Variants in OTOF observed in about 807,000 individuals in gnomAD.
OTOF encodes fer-1-like family member 2.
OTOF carries 218 observed loss-of-function variants against 236.8 expected under a neutral mutation model. The ratio of observed to expected loss-of-function variants is 0.92; its 90% CI spans 0.82 to 1.03. OTOF has a LOEUF of 1.03. Among genes scored for constraint, OTOF ranks in the 50% least tolerant of loss-of-function variants. The pLI is 0.00. For missense variants in OTOF, 2,590 were observed against 2,694.4 expected, an observed-to-expected ratio of 0.96 and a Z score of 0.86; for synonymous variants, 1,041 against 1,072.5, an observed-to-expected ratio of 0.97 and a Z score of 0.57.
Position 26,470,159 on chromosome 2 carries a change from C to T in OTOF, c.4023+434G>A, listed in dbSNP as rs1664909351. 6.6e-6 allele frequency among the ~76,000 whole-genome samples: 1 copy of T among 152,112 alleles called. No homozygotes were observed. The highest frequency in any genetic ancestry group is 1.5e-5 in the Non-Finnish European group (1 of 68,028). ...CTCTGAGAACATGTTTCTCCTTTTC[C>T]ACAAAGGTCACCTCCTCTGAGACGC... On this transcript the variant is annotated intron_variant, in intron 32 of 46. Transcript: ENST00000272371. The surrounding 1 kb of genome is among the most constrained non-coding windows in gnomAD (Gnocchi z 4.3).
chr2:26,479,458 G>C lies in OTOF; in HGVS notation c.2093+15C>G. 1.2e-6 allele frequency: 2 copies of C among 1,603,272 alleles called. No homozygotes were observed. Among genetic ancestry groups the C allele is most frequent in the Non-Finnish European group, 1.7e-6 (2 of 1,175,768 alleles). On this transcript the variant is annotated intron_variant, in intron 17 of 46. Transcript: ENST00000272371. ...GGGAGGGCCAGGCCACAGGAGGATG[G>C]GAGGCTGGGCCCACCTGTCGGTGAC...
chr2:26,496,339 A>G (rs1665984616), intron 8 of OTOF, among the ~76,000 whole-genome samples: 1 of 150,146 alleles, frequency 6.7e-6, no homozygotes, highest in South Asian at 2.1e-4. Flanking sequence ...GGTTCAAGCG[A>G]TTCTTCTGCC....
In OTOF at chr2:26,463,474, G is replaced by A; in HGVS notation, c.5192+9C>T. Reference sequence around the variant, plus strand: ...GGAAGGGAGTAGCGCTGGGCCCCAGGCCGCTCACTTCTTGGGCTTCCGAGG... The same window carrying A: ...GGAAGGGAGTAGCGCTGGGCCCCAGACCGCTCACTTCTTGGGCTTCCGAGG... On this transcript the variant is annotated intron_variant, in intron 41 of 46. Transcript: ENST00000272371. 1 of 1,589,844 alleles carries A rather than the reference G, an allele frequency of 6.3e-7. No individual in the cohort carries two copies. The highest frequency in any genetic ancestry group is 8.6e-7 in the Non-Finnish European group (1 of 1,167,448).
chr2:26,542,663 G>A (rs767426333), intron 1 of OTOF, among the ~76,000 whole-genome samples: 12 of 152,208 alleles, frequency 7.9e-5, no homozygotes, highest in East Asian at 5.8e-4. Flanking sequence ...GTTTGAAAGC[G>A]TAGAGCAGAG....
chr2:26,544,832 T>C (rs1667290929), intron 1 of OTOF, among the ~76,000 whole-genome samples: 1 of 151,872 alleles, frequency 6.6e-6, no homozygotes, highest in East Asian at 1.9e-4. Context: ...GGTCAGGAGA[T>C]GGAGACCATC....
At position 26,470,977 on chromosome 2, in the gene OTOF, C is replaced by T; in HGVS notation, c.3894+144G>A. On this transcript the variant is annotated intron_variant, in intron 31 of 46. Coordinates refer to ENST00000272371, the MANE Select transcript of OTOF (RefSeq NM_194248.3). The surrounding 1 kb of genome is among the most constrained non-coding windows in gnomAD (Gnocchi z 4.3). ...GTCCTGCACTCACCCAGCTCTTTTCCACTGCATCTTAGGGGAGGTGTGCTG... is the reference window on the plus strand; with the variant it reads ...GTCCTGCACTCACCCAGCTCTTTTCTACTGCATCTTAGGGGAGGTGTGCTG... 8.5e-7 allele frequency: 1 copy of T among 1,182,920 alleles called. No individual in the cohort carries two copies. The highest frequency in any genetic ancestry group is 1.3e-6 in the Non-Finnish European group (1 of 799,802). The allele number at this position is 1,182,920 out of a possible 1,614,324, so 73.3% of individuals were successfully genotyped here.
chr2:26,499,178 A>T, intron 8 of OTOF, among the ~76,000 whole-genome samples: 1 of 152,092 alleles, frequency 6.6e-6, no homozygotes, highest in Non-Finnish European at 1.5e-5. Flanking sequence ...TCTGGTGGGG[A>T]AACTGCACAT....
chr2:26,471,190 T>C (rs1440747373), intron 30 of OTOF, 40 bp from the exon 31 acceptor site: 1 of 1,612,956 alleles, frequency 6.2e-7, no homozygotes, highest in East Asian at 2.2e-5. Context: ...AATCAGCCAC[T>C]GGGGCCTGGA....
chr2:26,459,546 T>C (rs954371776), intron 46 of OTOF, among the ~76,000 whole-genome samples: 3 of 134,142 alleles, frequency 2.2e-5, no homozygotes, highest in East Asian at 2.1e-4. Context: ...AGCGAGACTC[T>C]GTCTCCAAAA....
intron 2 of OTOF, among the ~76,000 whole-genome samples, chr2:26,530,479 G>A (rs1201054528): frequency 1.3e-5 from 2 of 152,174 alleles, no homozygotes; most frequent in Non-Finnish European, 2.9e-5. Flanking sequence ...AGCGGGGAAT[G>A]TTCTTCTTGG....
rs1280446356 is a variant in OTOF at position 26,466,079 on chromosome 2, G to A, written c.4501-3C>T. ...TCAGCAGGGTGCAGGTCCGTGGCCT[G>A]GAATGGGGAGAAGGGCTGCCTGAGC... On this transcript the variant is annotated splice_polypyrimidine_tract_variant and splice_region_variant and intron_variant, in intron 36 of 46. Transcript: ENST00000272371. The A allele has an allele frequency of 1.2e-6, 2 of 1,614,182 alleles. No homozygotes were observed. The highest frequency in any genetic ancestry group is 3.3e-5 in the Admixed American group (2 of 60,034).
chr2:26,460,532 C>A lies in OTOF; in HGVS notation c.5813+115G>T. On this transcript the variant is annotated intron_variant, in intron 45 of 46. Coordinates refer to ENST00000272371, the MANE Select transcript of OTOF (RefSeq NM_194248.3). This position sits in a 1 kb window ranked among gnomAD's most constrained non-coding sequence, Gnocchi z 5.3. ...TTGGCAGAGGGCAGGGAGGAGGCTC[C>A]CCTGTAATGAGGCTGTGGCCCAGGA... 1.2e-6 allele frequency: 1 copy of A among 856,054 alleles called. No homozygotes were observed. Among genetic ancestry groups the A allele is most frequent in the Non-Finnish European group, 1.9e-6 (1 of 516,406 alleles). 53.0% of individuals were successfully genotyped at this position (856,054 alleles called of 1,614,324 possible).
chr2:26,521,330 C>T (rs1340581101), intron 3 of OTOF, among the ~76,000 whole-genome samples: 2 of 152,186 alleles, frequency 1.3e-5, no homozygotes, highest in Non-Finnish European at 2.9e-5. Context: ...CTAAGAACAG[C>T]CAAGGCAGCT....
At chr2:26,539,263 AC>A (rs1198545474) in intron 1 of OTOF, among the ~76,000 whole-genome samples, 1 of 152,178 alleles carries the variant, frequency 6.6e-6, no homozygotes. Context: ...AAACCTAGAG[AC>A]AGGATGGGTT....
chr2:26,533,297 A>G (rs1328184092), intron 2 of OTOF, among the ~76,000 whole-genome samples: 1 of 152,176 alleles, frequency 6.6e-6, no homozygotes, highest in Non-Finnish European at 1.5e-5. Context: ...CCCTGGTGCC[A>G]AAAAGGTTGG....
rs757909285 is a variant in OTOF, at chr2:26,502,417, G to A, written c.593C>T (p.Ala198Val). Residue 198 changes from alanine to valine, a missense_variant, in exon 7 of 47, where the codon GCG becomes GTG. Around this residue, in one of 2 missense-constraint regions of OTOF, gnomAD observed 1,379 missense variants for 1,341.6 expected, o/e 1.03. Coordinates refer to ENST00000272371, the MANE Select transcript of OTOF (RefSeq NM_194248.3). ...GTCAAGGTCTTCCATCTCCAGCACC[G>A]CCGGTTCATCTGGGGAAGATGAAAG... ...KEEPQRPDEP[A>V]VLEMEDLDHL... 4.5e-5 allele frequency: 72 copies of A among 1,613,036 alleles called. No homozygotes were observed. In the Admixed American group the frequency reaches 6.2e-4, roughly 14 times the overall value.
At chr2:26,491,279 A>G (rs1234545757) in intron 9 of OTOF, among the ~76,000 whole-genome samples, 3 of 152,156 alleles carry the variant, frequency 2.0e-5, no homozygotes, top group African/African-American at 7.2e-5. Flanking sequence ...AGCAGTGTCA[A>G]TGACATCTGG....
chr2:26,473,555 C>T lies in OTOF; in HGVS notation c.3421G>A (p.Gly1141Ser), dbSNP rs1665104166. The change falls in exon 28 of 47, where the codon GGC becomes AGC. Residue 1141 changes from glycine (G) to serine (S), a missense_variant. Gly to Ser is a moderately conservative substitution (Grantham distance 56). Transcript: ENST00000272371. This position sits in a 1 kb window ranked among gnomAD's most constrained non-coding sequence, Gnocchi z 7.2. ...TTCACCCGCTTTAGGTCCCGTAGGC[C>T]CCAGAACAGCACCTGGGAGAGGTTG... Reference protein sequence around the residue: ...SKYRVEVLFWGLRDLKRVNLA... With the variant: ...SKYRVEVLFWSLRDLKRVNLA... 1 of 1,607,210 alleles carries T rather than the reference C, an allele frequency of 6.2e-7. No individual in the cohort carries two copies. The highest frequency in any genetic ancestry group is 1.3e-5 in the African/African-American group (1 of 74,992).
intron 30 of OTOF, 125 bp downstream of exon 30, chr2:26,472,394 A>C: frequency 8.1e-7 from 1 of 1,229,796 alleles, no homozygotes; most frequent in Non-Finnish European, 1.2e-6. Flanking sequence ...TCAGCCCCCG[A>C]CAGTCACATG....
Sources: gnomAD v4.1 joint callset for allele counts (sites outside exome capture counted in the v4.1 genomes callset) on GRCh38, gnomAD v4.1.1 for gene constraint, gnomAD v4.1.1 regional missense constraint, Gnocchi (gnomAD v3.1) non-coding constraint, MANE v1.5 for transcripts, NCBI Gene and HGNC (gene_info 2026-07-23, HGNC 2026-07-21) for gene names.